Variants in MAPT observed in about 807,000 individuals in gnomAD.
MAPT encodes microtubule associated protein tau, also known as microtubule-associated protein tau.
MAPT carries 34 observed loss-of-function variants against 67.9 expected under a neutral mutation model. The observed-to-expected ratio is 0.50, with a 90% CI of 0.38 to 0.67. MAPT has a LOEUF of 0.67. Among genes scored for constraint, MAPT ranks in the 30% least tolerant of loss-of-function variants. MAPT has a pLI of 0.00. For synonymous variants in MAPT, 456 were observed against 464.5 expected, an observed-to-expected ratio of 0.98 and a Z score of 0.23; for missense variants, 881 against 1,115.2, an observed-to-expected ratio of 0.79 and a Z score of 2.99.
At chr17:45,905,652 G>A (rs906616197) in intron 1 of MAPT, among the ~76,000 whole-genome samples, 2 of 152,152 alleles carry the variant, frequency 1.3e-5, no homozygotes, top group Non-Finnish European at 2.9e-5. Flanking sequence ...GTTATCACTG[G>A]CTGCTTAGGG....
At chr17:46,022,564 G>A (rs374637976) in intron 12 of MAPT, among the ~76,000 whole-genome samples, 16 of 152,260 alleles carry the variant, frequency 1.1e-4, no homozygotes, top group African/African-American at 3.1e-4. Flanking sequence ...GTGTGTGAGT[G>A]TGGATGGACA....
In MAPT at chr17:45,996,712, G is replaced by A; in HGVS notation, c.1998+48G>A. 6.2e-7 allele frequency: 1 copy of A among 1,604,784 alleles called. No individual in the cohort carries two copies. ...GGAGGTGTGGGGGGCTGCGCCTGGA[G>A]GGGTAGGGCTGTGCCTGGAAGGGTA... On this transcript the variant is annotated intron_variant, in intron 9 of 12. Coordinates refer to ENST00000262410, the MANE Select transcript of MAPT (RefSeq NM_001377265.1). This position sits in a 1 kb window ranked among gnomAD's most constrained non-coding sequence, Gnocchi z 4.5.
Position 45,990,588 on chromosome 17 carries a change from C to A in MAPT, c.1605+513C>A, listed in dbSNP as rs554633590. On this transcript the variant is annotated intron_variant, in intron 7 of 12. Coordinates refer to ENST00000262410, the MANE Select transcript of MAPT (RefSeq NM_001377265.1). ...CTCCAGCTTGGGCGACAGAGCAAGA[C>A]CCTGTCGCAAAAATTGTTTAAAAAA... The A allele has an allele frequency of 2.2e-5, 8 of 357,350 alleles. No homozygotes were observed. The East Asian group carries it at 7.1e-4, about 32-fold the overall frequency. The allele number at this position is 357,350 out of a possible 1,614,324, so 22.1% of individuals were successfully genotyped here.
At chr17:46,016,994 C>T (rs577148580) in intron 11 of MAPT, among the ~76,000 whole-genome samples, 2 of 152,164 alleles carry the variant, frequency 1.3e-5, no homozygotes, top group East Asian at 1.9e-4. Context: ...TGCCTTAGGC[C>T]CTATTCAGGG....
chr17:45,941,592 T>C (rs1598060660), intron 1 of MAPT, among the ~76,000 whole-genome samples: 1 of 122,518 alleles, frequency 8.2e-6, no homozygotes, highest in African/African-American at 3.3e-5. Context: ...TTGCCCGCCC[T>C]TCCTTCCTTC....
At chr17:46,007,120 A>G (rs1393228775) in intron 9 of MAPT, among the ~76,000 whole-genome samples, 1 of 151,942 alleles carries the variant, frequency 6.6e-6, no homozygotes, top group Non-Finnish European at 1.5e-5. Flanking sequence ...TGTACCCCAC[A>G]AGTATATACA....
At chr17:45,919,987 G>A (rs2065542435) in intron 1 of MAPT, among the ~76,000 whole-genome samples, 1 of 152,182 alleles carries the variant, frequency 6.6e-6, no homozygotes, top group South Asian at 2.1e-4. Flanking sequence ...AAGCTATGAA[G>A]TTCTATCTTA....
intron 1 of MAPT, among the ~76,000 whole-genome samples, chr17:45,901,597 C>G (rs371481353): frequency 3.3e-5 from 5 of 152,226 alleles, no homozygotes; most frequent in South Asian, 4.1e-4. Context: ...GCCTAAGAAG[C>G]CTTCTTATCG....
chr17:45,895,536 ACAGCCG>A (rs1568118697), intron 1 of MAPT: 1 of 152,234 alleles, frequency 6.6e-6, no homozygotes, highest in Non-Finnish European at 1.5e-5. Context: ...GCGGGCACGC[ACAGCCG>A]CAGCCACGCA....
intron 1 of MAPT, among the ~76,000 whole-genome samples, chr17:45,923,541 A>G (rs957634218): frequency 6.6e-6 from 1 of 152,220 alleles, no homozygotes; most frequent in East Asian, 1.9e-4. Context: ...CATAAAAGAT[A>G]ATCAGATTCT....
intron 1 of MAPT, among the ~76,000 whole-genome samples, chr17:45,939,699 A>G (rs983850498): frequency 6.6e-6 from 1 of 152,154 alleles, no homozygotes; most frequent in Non-Finnish European, 1.5e-5. Flanking sequence ...GCAGATCCAT[A>G]ACAGATAATC....
chr17:45,970,378 T>TCATCCATCCATCCATCCACCCATTCATC (rs2071541675), intron 2 of MAPT, among the ~76,000 whole-genome samples: 1 of 146,982 alleles, frequency 6.8e-6, no homozygotes, highest in Non-Finnish European at 1.5e-5. Context: ...ATTCATCCAA[T>TCATCCATCCATCCATCCACCCATTCATC]CATCCATCCA....
intron 1 of MAPT, among the ~76,000 whole-genome samples, chr17:45,922,239 G>A (rs1447314219): frequency 6.6e-6 from 1 of 151,970 alleles, no homozygotes; most frequent in Non-Finnish European, 1.5e-5. Flanking sequence ...GAGCCACCGC[G>A]GCCAGCCATA....
chr17:45,908,490 G>C (rs956651947), intron 1 of MAPT: 1 of 152,186 alleles, frequency 6.6e-6, no homozygotes, highest in African/African-American at 2.4e-5. Flanking sequence ...GGGAGGTGAG[G>C]AGACTGAGTC....
At chr17:45,902,454 G>A (rs1414010254) in intron 1 of MAPT, among the ~76,000 whole-genome samples, 2 of 152,204 alleles carry the variant, frequency 1.3e-5, no homozygotes, top group African/African-American at 4.8e-5. Flanking sequence ...ATGACCTTTA[G>A]TAAGTGCTTG....
intron 3 of MAPT, chr17:45,977,129 G>C (rs2072453303): frequency 6.6e-6 from 1 of 152,622 alleles, no homozygotes; most frequent in Non-Finnish European, 1.5e-5. Flanking sequence ...GCTAGTGCTA[G>C]TGATGGGAGC....
At chr17:45,922,114 G>A (rs1166950419) in intron 1 of MAPT, among the ~76,000 whole-genome samples, 1 of 151,952 alleles carries the variant, frequency 6.6e-6, no homozygotes, top group Non-Finnish European at 1.5e-5. Flanking sequence ...CCAGGTTCAA[G>A]CAATTCTCCT....
At chr17:45,937,521 T>G (rs1376558800) in intron 1 of MAPT, among the ~76,000 whole-genome samples, 3 of 142,298 alleles carry the variant, frequency 2.1e-5, no homozygotes, top group Non-Finnish European at 3.1e-5. Context: ...AGCCCAAGAG[T>G]TTGAGGTTAC....
intron 8 of MAPT, chr17:45,993,925 G>T: frequency 6.4e-7 from 1 of 1,571,152 alleles, no homozygotes; most frequent in Non-Finnish European, 8.6e-7. Context: ...CTCTTTAAGC[G>T]ACTAAGCAAG....
Sources: gnomAD v4.1 joint callset for allele counts (sites outside exome capture counted in the v4.1 genomes callset) on GRCh38, gnomAD v4.1.1 for gene constraint, Gnocchi (gnomAD v3.1) non-coding constraint, MANE v1.5 for transcripts, NCBI Gene and HGNC (gene_info 2026-07-23, HGNC 2026-07-21) for gene names.